CTNND2: variants seen among roughly 807,000 people sequenced by gnomAD.
The protein encoded by CTNND2 is catenin delta-2.
CTNND2 carries 22 observed loss-of-function variants against 144.4 expected under a neutral mutation model. The ratio of observed to expected loss-of-function variants is 0.15; its 90% CI spans 0.11 to 0.22. The LOEUF is 0.22. CTNND2 is among the 10% of genes least tolerant of loss of function. CTNND2 has a pLI of 1.00. For missense variants in CTNND2, 1,353 were observed against 1,618.8 expected, an observed-to-expected ratio of 0.84 and a Z score of 2.82; for synonymous variants, 751 against 695.6, an observed-to-expected ratio of 1.08 and a Z score of -1.25.
At chr5:11,469,693 CT>C (rs1766987385) in intron 3 of CTNND2, among the ~76,000 whole-genome samples, 1 of 152,218 alleles carries the variant, frequency 6.6e-6, no homozygotes, top group South Asian at 2.1e-4. Context: ...TCAACACTTT[CT>C]CAACATAATT....
chr5:11,701,727 T>C (rs1785442703), intron 2 of CTNND2, among the ~76,000 whole-genome samples: 1 of 152,134 alleles, frequency 6.6e-6, no homozygotes, highest in African/African-American at 2.4e-5. Context: ...GTAGTATAAG[T>C]GCAGCATTTC....
At chr5:11,477,587 T>C (rs953496598) in intron 3 of CTNND2, among the ~76,000 whole-genome samples, 3 of 152,094 alleles carry the variant, frequency 2.0e-5, no homozygotes, top group Non-Finnish European at 2.9e-5. Context: ...AATTTTTAAA[T>C]TGTTTTTTGT....
intron 16 of CTNND2, among the ~76,000 whole-genome samples, chr5:11,054,142 C>A (rs913255072): frequency 4.6e-5 from 7 of 152,064 alleles, no homozygotes; most frequent in African/African-American, 1.7e-4. Context: ...GAAAGAAGCC[C>A]ATGAAAGAAC....
At chr5:11,501,422 G>A (rs1051164169) in intron 3 of CTNND2, among the ~76,000 whole-genome samples, 1 of 152,184 alleles carries the variant, frequency 6.6e-6, no homozygotes, top group Non-Finnish European at 1.5e-5. Context: ...AATGGGAAGT[G>A]ACTACTGGGT....
intron 3 of CTNND2, among the ~76,000 whole-genome samples, chr5:11,529,259 AAACAAC>A (rs527573485): frequency 6.6e-6 from 1 of 152,210 alleles, no homozygotes; most frequent in Non-Finnish European, 1.5e-5. Flanking sequence ...AAACAAAACA[AAACAAC>A]AACAACAGCA....
intron 9 of CTNND2, among the ~76,000 whole-genome samples, chr5:11,341,621 C>A (rs1754283822): frequency 6.6e-6 from 1 of 152,230 alleles, no homozygotes; most frequent in Non-Finnish European, 1.5e-5. Context: ...GCAAACATTT[C>A]AGCCATGTTA....
chr5:11,240,044 G>A (rs1051546990), intron 9 of CTNND2, among the ~76,000 whole-genome samples: 15 of 152,056 alleles, frequency 9.9e-5, no homozygotes, highest in African/African-American at 3.6e-4. Flanking sequence ...GACATGGACA[G>A]TGTTTCCACA....
chr5:11,509,365 C>A (rs1374361585), intron 3 of CTNND2, among the ~76,000 whole-genome samples: 4 of 151,180 alleles, frequency 2.6e-5, no homozygotes, highest in East Asian at 1.9e-4. Flanking sequence ...TATAAAAAAA[C>A]CCATTTAAAA....
intron 2 of CTNND2, among the ~76,000 whole-genome samples, chr5:11,654,779 T>C (rs1713136236): frequency 6.6e-6 from 1 of 152,130 alleles, no homozygotes; most frequent in African/African-American, 2.4e-5. Context: ...TAGCCCTCTA[T>C]GCTGAATAGA....
chr5:11,492,548 T>C (rs26153), intron 3 of CTNND2, among the ~76,000 whole-genome samples: 53,742 of 150,476 alleles, frequency 0.36, 10,133 homozygotes, highest in South Asian at 0.44. Flanking sequence ...TGTGTGTGTA[T>C]CTGGACTTTC....
At chr5:11,239,015 T>C (rs1741941529) in intron 9 of CTNND2, among the ~76,000 whole-genome samples, 2 of 152,268 alleles carry the variant, frequency 1.3e-5, no homozygotes, top group Admixed American at 1.3e-4. Context: ...AATTATATTC[T>C]TTATGCAAAT....
intron 9 of CTNND2, among the ~76,000 whole-genome samples, chr5:11,266,697 A>C (rs1387665345): frequency 6.6e-6 from 1 of 152,218 alleles, no homozygotes; most frequent in Non-Finnish European, 1.5e-5. Flanking sequence ...AATTCAATTC[A>C]GACTGCAAGA....
intron 3 of CTNND2, among the ~76,000 whole-genome samples, chr5:11,467,463 C>T (rs984394087): frequency 6.6e-5 from 10 of 152,208 alleles, no homozygotes; most frequent in African/African-American, 9.7e-5. Context: ...GGTTATACTC[C>T]AAGTGCCTGT....
intron 12 of CTNND2, 131 bp downstream of exon 12, chr5:11,159,445 C>T (rs1404256516): frequency 1.4e-5 from 10 of 690,332 alleles, no homozygotes; most frequent in South Asian, 8.5e-5. Context: ...TCTTATACTC[C>T]GTTGCCACAT....
chr5:11,269,207 G>C (rs1745755544), intron 9 of CTNND2, among the ~76,000 whole-genome samples: 1 of 152,210 alleles, frequency 6.6e-6, no homozygotes, highest in African/African-American at 2.4e-5. Flanking sequence ...GAAGAGGAAT[G>C]AATGGGGGAA....
intron 1 of CTNND2, among the ~76,000 whole-genome samples, chr5:11,824,654 C>T (rs137911054): frequency 1.7e-4 from 26 of 152,268 alleles, no homozygotes; most frequent in African/African-American, 6.0e-4. Context: ...GAGATGCCGA[C>T]GAGGTCCTAA....
At chr5:11,370,173 GTTT>G (rs77463818) in intron 7 of CTNND2, among the ~76,000 whole-genome samples, 1 of 137,438 alleles carries the variant, frequency 7.3e-6, no homozygotes, top group African/African-American at 2.7e-5. Flanking sequence ...AACTACTTGG[GTTT>G]TTTTTTTTTT....
chr5:11,397,072 G>C lies in CTNND2; in HGVS notation c.571C>G (p.Arg191Gly). 9.9e-6 allele frequency: 16 copies of C among 1,613,916 alleles called. No homozygotes were observed. Among genetic ancestry groups the C allele is most frequent in the Non-Finnish European group, 1.2e-5 (14 of 1,180,014 alleles). Residue 191 changes from arginine to glycine, a missense_variant, in exon 6 of 22, where the codon CGA becomes GGA. Physicochemically the swap from Arg to Gly is moderately radical, Grantham distance 125 (BLOSUM62 -2). Transcript: ENST00000304623. ...GETTPSQLPA[R>G]GTQARATGQS... is the part of the protein sequence containing the mutation. ...CCCGTAGCTCGGGCTTGTGTGCCTC[G>C]GGCCGGGAGCTGTGAAGGGGTGGTT...
At chr5:11,753,822 GTTT>G (rs1788756789) in intron 1 of CTNND2, among the ~76,000 whole-genome samples, 1 of 151,508 alleles carries the variant, frequency 6.6e-6, no homozygotes, top group Admixed American at 6.6e-5. Flanking sequence ...GGTTCGCAGT[GTTT>G]TTATTACTGA....
Sources: allele counts gnomAD v4.1 joint callset (sites outside exome capture counted in the v4.1 genomes callset), GRCh38; gene constraint gnomAD v4.1.1; transcripts MANE v1.5; gene names NCBI Gene and HGNC (gene_info 2026-07-23, HGNC 2026-07-21).